The following TRAK2 variants were observed in gnomAD, a reference collection of about 807,000 sequenced individuals.
The protein encoded by TRAK2 is trafficking kinesin-binding protein 2.
TRAK2 carries 81 observed loss-of-function variants against 104.6 expected under a neutral mutation model. The observed-to-expected ratio is 0.77, with a 90% CI of 0.65 to 0.93. The LOEUF is 0.93. Among genes scored for constraint, TRAK2 ranks in the 40% least tolerant of loss-of-function variants. The pLI is 0.00. For synonymous variants in TRAK2, 406 were observed against 394.4 expected, an observed-to-expected ratio of 1.03 and a Z score of -0.35; for missense variants, 1,002 against 1,089.0, an observed-to-expected ratio of 0.92 and a Z score of 1.12.
At chr2:201,412,412 G>T in intron 2 of TRAK2, 1 of 1,307,296 alleles carries the variant, frequency 7.6e-7, no homozygotes, top group Non-Finnish European at 1.1e-6. Context: ...ACATGTTCAC[G>T]AACTTCCTCA....
chr2:201,402,382 T>C (rs191236681), intron 3 of TRAK2, among the ~76,000 whole-genome samples: 3 of 152,226 alleles, frequency 2.0e-5, no homozygotes, highest in Admixed American at 6.5e-5. Context: ...GAATTACCTA[T>C]AGCTTAATTA....
chr2:201,444,182 C>T (rs181426163), intron 1 of TRAK2, among the ~76,000 whole-genome samples: 10 of 152,044 alleles, frequency 6.6e-5, no homozygotes, highest in African/African-American at 2.4e-4. Context: ...GCCTGGGTGA[C>T]AGAGTGAGAC....
At chr2:201,420,383 G>C in intron 2 of TRAK2, 34 bp downstream of exon 2, 1 of 1,568,504 alleles carries the variant, frequency 6.4e-7, no homozygotes, top group Non-Finnish European at 8.8e-7. Flanking sequence ...TCCTATAAGC[G>C]ATAGCACTTC....
Position 201,381,117 on chromosome 2 carries a change from G to C in TRAK2, c.2171C>G (p.Ser724Cys). The C allele has an allele frequency of 6.2e-7, 1 of 1,613,786 alleles. No homozygotes were observed. Among genetic ancestry groups the C allele is most frequent in the Non-Finnish European group, 8.5e-7 (1 of 1,179,798 alleles). The change falls in exon 16 of 16, where the codon TCC becomes TGC. Residue 724 changes from serine (S) to cysteine (C), a missense_variant. Ser to Cys is a moderately radical substitution (Grantham distance 112). Transcript: ENST00000332624. ...AGTGGAATCTCGTCGGTTGGTGATGGACTCACCAATGCTGAGTCTATAGGA... is the reference window on the plus strand; with the variant it reads ...AGTGGAATCTCGTCGGTTGGTGATGCACTCACCAATGCTGAGTCTATAGGA... The part of the protein sequence containing the change: ...ALSYRLSIGE[S>C]ITNRRDSTTT...
intron 2 of TRAK2, among the ~76,000 whole-genome samples, chr2:201,413,842 G>A (rs980459570): frequency 6.6e-6 from 1 of 152,106 alleles, no homozygotes; most frequent in East Asian, 1.9e-4. Flanking sequence ...CCAACATACA[G>A]TATTAGTCCT....
At chr2:201,437,124 G>A (rs2125661157) in intron 1 of TRAK2, among the ~76,000 whole-genome samples, 1 of 152,236 alleles carries the variant, frequency 6.6e-6, no homozygotes, top group Non-Finnish European at 1.5e-5. Context: ...AGACGCCTTT[G>A]GTTTGCCCAT....
At chr2:201,442,227 T>A (rs1048557251) in intron 1 of TRAK2, among the ~76,000 whole-genome samples, 1 of 151,116 alleles carries the variant, frequency 6.6e-6, no homozygotes, top group African/African-American at 2.4e-5. Context: ...CCGTCTCTAC[T>A]AAAAATACAA....
chr2:201,388,252 T>C (rs1951410696), intron 12 of TRAK2, among the ~76,000 whole-genome samples: 1 of 152,242 alleles, frequency 6.6e-6, no homozygotes, highest in Non-Finnish European at 1.5e-5. Context: ...TTCTGAATTT[T>C]CTATTTCATT....
rs3832088 is a variant in TRAK2, at chr2:201,381,221, TAAAA to T, written c.2070-7_2070-4del. 9.2e-6 allele frequency: 14 copies of T among 1,520,352 alleles called. No homozygotes were observed. The highest frequency in any genetic ancestry group is 5.0e-5 in the South Asian group (4 of 79,940). The allele number at this position is 1,520,352 out of a possible 1,614,324, so 94.2% of individuals were successfully genotyped here. The stretch of plus-strand genomic sequence containing the variant: ...AGGATAATGAAGGGAACCCAGAGCT[TAAAA>T]AAAAAAAAAAAAAGTGGGAGACAGT... On this transcript the variant is annotated splice_polypyrimidine_tract_variant and splice_region_variant and intron_variant, in intron 15 of 15. Transcript: ENST00000332624.
At chr2:201,423,749 G>T (rs1483191654) in intron 1 of TRAK2, 1 of 151,866 alleles carries the variant, frequency 6.6e-6, no homozygotes, top group African/African-American at 2.4e-5. Context: ...ACTAAGTACT[G>T]TACTATATAA....
At chr2:201,415,172 T>A (rs2540338) in intron 2 of TRAK2, among the ~76,000 whole-genome samples, 147,511 of 152,086 alleles carry the variant, frequency 0.97, 71,698 homozygotes, top group East Asian at 1. Context: ...ACACTAGAGC[T>A]TGGTCTAGAG....
At position 201,430,212 on chromosome 2, in the gene TRAK2, G is replaced by A. The variant is rs563711038; in HGVS notation, c.-199-9506C>T. On this transcript the variant is annotated intron_variant, in intron 1 of 15. Coordinates refer to ENST00000332624, the MANE Select transcript of TRAK2 (RefSeq NM_015049.3). Reference sequence around the variant, plus strand: ...GAAGCTTTGTCTCAGAGGGGTACCCGGCTGTATGAGGTGTCAGTCAGCCCC... The same window carrying A: ...GAAGCTTTGTCTCAGAGGGGTACCCAGCTGTATGAGGTGTCAGTCAGCCCC... Among the ~76,000 whole-genome samples, 86 of 152,296 alleles carry A rather than the reference G, an allele frequency of 5.6e-4. 1 individual carries two copies. The highest frequency in any genetic ancestry group is 1.9e-3 in the African/African-American group (80 of 41,566).
At chr2:201,424,780 A>AT (rs140682397) in intron 1 of TRAK2, among the ~76,000 whole-genome samples, 9,782 of 150,300 alleles carry the variant, frequency 0.065, 669 homozygotes, top group East Asian at 0.26. Flanking sequence ...TTTTTTTTGT[A>AT]TTTTTTTTAG....
intron 3 of TRAK2, among the ~76,000 whole-genome samples, chr2:201,404,280 G>A (rs1353541479): frequency 6.6e-6 from 1 of 152,096 alleles, no homozygotes; most frequent in Non-Finnish European, 1.5e-5. Flanking sequence ...GTCAGTTTTC[G>A]TTGTTGAAAA....
At chr2:201,399,310 G>A in intron 5 of TRAK2, 67 bp downstream of exon 5, 10 of 1,105,722 alleles carry the variant, frequency 9.0e-6, no homozygotes, top group Non-Finnish European at 1.4e-5. Context: ...GGACACCTAG[G>A]AAAATAAATT....
intron 1 of TRAK2, chr2:201,423,693 A>G (rs1304391174): frequency 6.6e-6 from 1 of 152,164 alleles, no homozygotes; most frequent in African/African-American, 2.4e-5. Context: ...TGAATTATAC[A>G]CTTTAAGGTG....
intron 2 of TRAK2, chr2:201,413,281 T>C: frequency 1.6e-6 from 2 of 1,279,444 alleles, no homozygotes; most frequent in South Asian, 2.5e-5. Context: ...GTAACAGTAC[T>C]CTTCAATTTA....
intron 12 of TRAK2, 148 bp from the exon 13 acceptor site, chr2:201,388,149 A>G (rs1314850181): frequency 2.5e-6 from 2 of 815,140 alleles, no homozygotes; most frequent in African/African-American, 3.4e-5. Context: ...TAATAACAAC[A>G]AACCAAAATC....
chr2:201,397,506 T>C lies in TRAK2; in HGVS notation c.765A>G (p.Glu255=), dbSNP rs1203648642. ...AGAGAATATGTTAATACTCACGAAG[T>C]TCTTTAACACAGTCGCTGACAAGCT... ...EQQLVSDCVK[E]LRETNAQMSR... is the part of the protein sequence containing the mutation. Residue 255 remains glutamate (E), a synonymous_variant, in exon 7 of 16, where the codon GAA becomes GAG. Transcript: ENST00000332624. 2 of 1,610,414 alleles carry C rather than the reference T, an allele frequency of 1.2e-6. No homozygotes were observed. Among genetic ancestry groups the C allele is most frequent in the African/African-American group, 2.7e-5 (2 of 74,784 alleles).
Sources: allele counts gnomAD v4.1 joint callset (sites outside exome capture counted in the v4.1 genomes callset), GRCh38; gene constraint gnomAD v4.1.1; transcripts MANE v1.5; gene names NCBI Gene and HGNC (gene_info 2026-07-23, HGNC 2026-07-21).